TRIM37: variants seen among roughly 807,000 people sequenced by gnomAD.
TRIM37 encodes the protein E3 ubiquitin-protein ligase TRIM37.
Under a neutral mutation model 129.8 loss-of-function variants are expected in TRIM37, and 80 were observed. The observed-to-expected ratio is 0.62, with a 90% CI of 0.51 to 0.74. TRIM37 has a LOEUF of 0.74. Among genes scored for constraint, TRIM37 ranks in the 30% least tolerant of loss-of-function variants. TRIM37 has a pLI of 0.00. For missense variants in TRIM37, 1,054 were observed against 1,176.5 expected (o/e 0.90, Z 1.52); for synonymous variants, 389 against 387.1 (o/e 1.00, Z -0.06).
At chr17:59,103,026 C>T (rs755641158) in intron 2 of TRIM37, among the ~76,000 whole-genome samples, 1 of 151,996 alleles carries the variant, frequency 6.6e-6, no homozygotes, top group Non-Finnish European at 1.5e-5. Context: ...GAGCATGCCA[C>T]CATGCCTGGC....
intron 7 of TRIM37, 42 bp downstream of exon 7, chr17:59,079,712 C>T: frequency 6.2e-7 from 1 of 1,612,528 alleles, no homozygotes; most frequent in East Asian, 2.2e-5. Context: ...CTCAAAGAAG[C>T]TGAAAGCACC....
chr17:59,032,115 T>C, intron 17 of TRIM37, 25 bp from the exon 18 acceptor site: 1 of 1,607,414 alleles, frequency 6.2e-7, no homozygotes, highest in Admixed American at 1.7e-5. Context: ...TAGAAAATGA[T>C]ATATATATGC....
At chr17:59,052,213 TAAA>T (rs35673171) in intron 13 of TRIM37, among the ~76,000 whole-genome samples, 5 of 143,922 alleles carry the variant, frequency 3.5e-5, no homozygotes, top group Admixed American at 1.4e-4. Flanking sequence ...TTGTTTTAAT[TAAA>T]AAAAAAAAAA....
At chr17:58,972,840 G>A in the TRIM37 span, 2 of 1,612,698 alleles carry the variant, frequency 1.2e-6, no homozygotes, top group African/African-American at 1.3e-5. Context: ...AGGATGAAAA[G>A]CAGAGAATTG....
intron 22 of TRIM37, among the ~76,000 whole-genome samples, chr17:59,002,592 T>C (rs1040119326): frequency 5.3e-5 from 8 of 152,184 alleles, no homozygotes; most frequent in African/African-American, 1.2e-4. Flanking sequence ...TTCAGCAAGA[T>C]AGCAATCAAG....
intron 10 of TRIM37, chr17:59,064,121 C>A: frequency 2.1e-6 from 1 of 465,930 alleles, no homozygotes; most frequent in South Asian, 3.1e-5. Context: ...GAGCAAAACC[C>A]AGTCTCAAAA....
At chr17:59,077,681 G>T (rs576550811) in intron 7 of TRIM37, among the ~76,000 whole-genome samples, 13 of 151,690 alleles carry the variant, frequency 8.6e-5, no homozygotes, top group Non-Finnish European at 1.8e-4. Flanking sequence ...GTGGTGGCAC[G>T]TGCCTGTAGT....
At chr17:59,064,295 C>T (rs2146573332) in intron 10 of TRIM37, 60 bp downstream of exon 10, 1 of 1,306,118 alleles carries the variant, frequency 7.7e-7, no homozygotes, top group South Asian at 1.3e-5. Flanking sequence ...CCAAAGAATA[C>T]CTTTCTGGCT....
chr17:59,092,644 TTGTC>T (rs1403303412), intron 2 of TRIM37, among the ~76,000 whole-genome samples: 1 of 152,146 alleles, frequency 6.6e-6, no homozygotes, highest in African/African-American at 2.4e-5. Flanking sequence ...TATGTTTTAA[TTGTC>T]TGATAAATAG....
chr17:59,106,193 G>A (rs2045972015), intron 1 of TRIM37, among the ~76,000 whole-genome samples: 1 of 152,186 alleles, frequency 6.6e-6, no homozygotes, highest in South Asian at 2.1e-4. Context: ...GTGGGGATGA[G>A]TACCTGTGCC....
chr17:59,072,244 T>TA (rs2042434061), intron 8 of TRIM37, among the ~76,000 whole-genome samples: 1 of 152,166 alleles, frequency 6.6e-6, no homozygotes, highest in African/African-American at 2.4e-5. Context: ...ACCTGAATCT[T>TA]AGACTTCCAG....
At position 59,106,585 on chromosome 17, in the gene TRIM37, C is replaced by T; in HGVS notation, c.-124G>A. 1 of 1,173,816 alleles carries T rather than the reference C, an allele frequency of 8.5e-7. No homozygotes were observed. The highest frequency in any genetic ancestry group is 2.6e-4 in the Middle Eastern group (1 of 3,844). 72.7% of individuals were successfully genotyped at this position (1,173,816 alleles called of 1,614,324 possible). A position where few individuals can be genotyped will look rare whatever the true frequency, so the allele number is the denominator to read the frequency against. ...AGCCCGGCGCCCACGTCAGGGGGCT[C>T]TGACAACCGCCCCACCTGCGCGCCC... On this transcript the variant is annotated 5_prime_UTR_variant, in exon 1 of 24. Transcript: ENST00000262294.
At chr17:58,980,931 G>C (rs1200899145), downstream of TRIM37, 1 of 1,614,056 alleles carries the variant, frequency 6.2e-7, no homozygotes, top group Non-Finnish European at 8.5e-7. The surrounding 1 kb of genome is among the most constrained non-coding windows in gnomAD (Gnocchi z 4.7). Flanking sequence ...CTGCCATGGA[G>C]GCAAAATAGT....
chr17:58,971,392 C>T, the TRIM37 span, among the ~76,000 whole-genome samples: 3 of 152,146 alleles, frequency 2.0e-5, no homozygotes, highest in Admixed American at 2.0e-4. Context: ...AACAGAAAGT[C>T]ATGCTCATTT....
At chr17:59,088,897 T>G (rs1026474306) in intron 3 of TRIM37, among the ~76,000 whole-genome samples, 34 of 152,102 alleles carry the variant, frequency 2.2e-4, no homozygotes, top group African/African-American at 8.2e-4. Flanking sequence ...AACACGTCAT[T>G]TATGAAAAGA....
chr17:59,104,208 G>T (rs952019319), intron 2 of TRIM37, 85 bp downstream of exon 2: 2 of 1,371,160 alleles, frequency 1.5e-6, no homozygotes, highest in East Asian at 2.5e-5. Flanking sequence ...GGCAAAAAAT[G>T]TAAAATAAAA....
chr17:59,009,846 C>T (rs2035036612), intron 22 of TRIM37, among the ~76,000 whole-genome samples: 3 of 152,192 alleles, frequency 2.0e-5, no homozygotes, highest in African/African-American at 7.2e-5. Flanking sequence ...AAAGCAACTA[C>T]CATGTAGAGT....
At chr17:58,987,543 C>A (rs557991852) in intron 24 of TRIM37, among the ~76,000 whole-genome samples, 4 of 152,350 alleles carry the variant, frequency 2.6e-5, no homozygotes, top group Admixed American at 1.3e-4. Flanking sequence ...CCAAACTACA[C>A]TGTGGCTAAT....
intron 18 of TRIM37, among the ~76,000 whole-genome samples, chr17:59,029,491 G>T (rs1189327786): frequency 6.6e-6 from 1 of 152,140 alleles, no homozygotes; most frequent in Non-Finnish European, 1.5e-5. Context: ...GGTTCAACTA[G>T]ATTACCTGAT....
Sources: gnomAD v4.1 joint callset for allele counts (sites outside exome capture counted in the v4.1 genomes callset) on GRCh38, gnomAD v4.1.1 for gene constraint, Gnocchi (gnomAD v3.1) non-coding constraint, MANE v1.5 for transcripts, NCBI Gene and HGNC (gene_info 2026-07-23, HGNC 2026-07-21) for gene names.